The following NEO1 variants were observed in gnomAD, a reference collection of about 807,000 sequenced individuals.
The protein encoded by NEO1 is neogenin.
NEO1 carries 63 observed loss-of-function variants against 159.7 expected under a neutral mutation model. The ratio of observed to expected loss-of-function variants is 0.39; its 90% CI spans 0.32 to 0.49. The LOEUF is 0.49. NEO1 is among the 20% of genes least tolerant of loss of function. The pLI, the probability that NEO1 is intolerant of heterozygous loss-of-function variation, is 0.85. For missense variants in NEO1, 1,615 were observed against 1,831.0 expected, an observed-to-expected ratio of 0.88 and a Z score of 2.15; for synonymous variants, 633 against 662.0, an observed-to-expected ratio of 0.96 and a Z score of 0.67.
chr15:73,064,089 G>A (rs550725879), intron 1 of NEO1, among the ~76,000 whole-genome samples: 5 of 152,298 alleles, frequency 3.3e-5, no homozygotes, highest in Non-Finnish European at 7.3e-5. Context: ...GTGGAAGAGC[G>A]AATTTATTTC....
At chr15:73,282,405 C>T (rs2041761883) in intron 22 of NEO1, among the ~76,000 whole-genome samples, 1 of 152,218 alleles carries the variant, frequency 6.6e-6, no homozygotes, top group Non-Finnish European at 1.5e-5. Context: ...TCAAATTAAG[C>T]CATACTTCAG....
intron 26 of NEO1, 117 bp downstream of exon 26, chr15:73,293,665 C>T: frequency 9.1e-7 from 1 of 1,098,134 alleles, no homozygotes; most frequent in South Asian, 1.7e-5. Flanking sequence ...TTTTATTTAA[C>T]TTAGCATAAC....
chr15:73,093,735 G>T (rs555287286), intron 1 of NEO1, among the ~76,000 whole-genome samples: 52 of 151,816 alleles, frequency 3.4e-4, no homozygotes, highest in Non-Finnish European at 6.3e-4. Flanking sequence ...TACCAACCAC[G>T]CCTGGCTAAT....
chr15:73,289,463 A>G (rs897244605), intron 25 of NEO1, among the ~76,000 whole-genome samples: 8 of 152,172 alleles, frequency 5.3e-5, no homozygotes, highest in African/African-American at 1.7e-4. Context: ...TGAAAAGCCA[A>G]TGTCTCCAGA....
rs13380051 is a variant in NEO1, at chr15:73,091,274, G to C, written c.131-25266G>C. ...TGCAGGAACCTATTTGAGGTACTATGGACATTGGTACACATATGCAGTTAT... is the reference window on the plus strand; with the variant it reads ...TGCAGGAACCTATTTGAGGTACTATCGACATTGGTACACATATGCAGTTAT... On this transcript the variant is annotated intron_variant, in intron 1 of 28. Coordinates refer to ENST00000261908, the MANE Select transcript of NEO1 (RefSeq NM_002499.4). 1.8e-3 allele frequency among the ~76,000 whole-genome samples: 271 copies of C among 152,260 alleles called. 1 individual carries two copies. Among genetic ancestry groups the C allele is most frequent in the African/African-American group, 6.4e-3 (264 of 41,544 alleles).
upstream of NEO1, chr15:73,052,343 C>T (rs1007832747): frequency 2.1e-5 from 3 of 145,644 alleles, no homozygotes; most frequent in African/African-American, 5.0e-5. Context: ...CTCCGCCCCC[C>T]TCGCGCTGGT....
intron 1 of NEO1, among the ~76,000 whole-genome samples, chr15:73,115,058 T>A (rs1014271758): frequency 6.6e-6 from 1 of 152,310 alleles, no homozygotes; most frequent in African/African-American, 2.4e-5. Context: ...AACACTTTTT[T>A]TTTTTGAGAC....
chr15:73,107,183 C>T (rs1291941671), intron 1 of NEO1, among the ~76,000 whole-genome samples: 2 of 152,134 alleles, frequency 1.3e-5, no homozygotes, highest in African/African-American at 2.4e-5. Flanking sequence ...TTTTTAAACC[C>T]ACAAAAGATT....
At chr15:73,070,188 G>T (rs1463862343) in intron 1 of NEO1, among the ~76,000 whole-genome samples, 1 of 152,132 alleles carries the variant, frequency 6.6e-6, no homozygotes, top group African/African-American at 2.4e-5. Flanking sequence ...CATGATGTAG[G>T]TTAATTTCCC....
intron 1 of NEO1, among the ~76,000 whole-genome samples, chr15:73,063,359 C>T (rs2068063155): frequency 1.3e-5 from 2 of 152,076 alleles, no homozygotes; most frequent in Non-Finnish European, 1.5e-5. Flanking sequence ...AGAACAAAGC[C>T]TGGCTTATTC....
intron 7 of NEO1, among the ~76,000 whole-genome samples, chr15:73,192,252 CATACAT>C (rs201548992): frequency 0.014 from 2,069 of 152,120 alleles, 17 homozygotes; most frequent in South Asian, 0.017. Flanking sequence ...TACACTTACA[CATACAT>C]ATACACATAT....
Position 73,244,280 on chromosome 15 carries a change from G to C in NEO1, c.1452-64G>C, listed in dbSNP as rs148939277. The C allele has an allele frequency of 3.4e-4, 516 of 1,516,644 alleles. 2 individuals carry two copies. In the East Asian group the frequency reaches 7.2e-3, roughly 21 times the overall value. The allele number at this position is 1,516,644 out of a possible 1,614,324, so 93.9% of individuals were successfully genotyped here. A position where few individuals can be genotyped will look rare whatever the true frequency, so the allele number is the denominator to read the frequency against. ...TAGATTTTTATGTGGAGTGGAAAAT[G>C]AAACTGTACATTCTGGAAGTATTCC... is the stretch of plus-strand genomic sequence containing the variant. On this transcript the variant is annotated intron_variant, in intron 8 of 28. Coordinates refer to ENST00000261908, the MANE Select transcript of NEO1 (RefSeq NM_002499.4).
intron 5 of NEO1, among the ~76,000 whole-genome samples, chr15:73,164,497 A>C (rs899719380): frequency 2.0e-5 from 3 of 151,732 alleles, no homozygotes; most frequent in African/African-American, 7.3e-5. Flanking sequence ...TTACAGGCAT[A>C]AGCCACCACG....
At chr15:73,297,484 A>C (rs1340611564) in intron 26 of NEO1, among the ~76,000 whole-genome samples, 3 of 152,208 alleles carry the variant, frequency 2.0e-5, no homozygotes, top group Non-Finnish European at 4.4e-5. Context: ...TCAAAGAATT[A>C]TGTGTTATTC....
chr15:73,088,505 C>G (rs1015001143), intron 1 of NEO1, among the ~76,000 whole-genome samples: 1 of 151,966 alleles, frequency 6.6e-6, no homozygotes, highest in African/African-American at 2.4e-5. Flanking sequence ...TTACCTGATA[C>G]TTGTGATGGA....
intron 15 of NEO1, among the ~76,000 whole-genome samples, chr15:73,263,530 A>T (rs1303876657): frequency 6.6e-6 from 1 of 151,984 alleles, no homozygotes; most frequent in Non-Finnish European, 1.5e-5. Flanking sequence ...AATTTGAGAA[A>T]TATTTATATT....
chr15:73,270,454 G>C lies in NEO1; in HGVS notation c.2857G>C (p.Val953Leu), dbSNP rs1248808539. 5 of 1,608,284 alleles carry C rather than the reference G, an allele frequency of 3.1e-6. No homozygotes were observed. The highest frequency in any genetic ancestry group is 4.2e-6 in the Non-Finnish European group (5 of 1,178,226). The change falls in exon 18 of 29, where the codon GTT (valine) becomes CTT (leucine). Residue 953 changes from valine (V) to leucine (L), a missense_variant and splice_region_variant. Val to Leu is a conservative substitution (Grantham distance 32). Transcript: ENST00000261908. ...MTAHGTTFEL[V>L]PTSPPKDVTV... is the part of the protein sequence containing the mutation. ...AGCCCATGGGACCACCTTTGAATTAGGTATGTGTTGTCAGAAGCCATGTCA... is the reference window on the plus strand; with the variant it reads ...AGCCCATGGGACCACCTTTGAATTACGTATGTGTTGTCAGAAGCCATGTCA...
rs1567749554 is a variant in NEO1 at position 73,304,422 on chromosome 15, GC to G, written c.*1727del. Reference sequence around the variant, plus strand: ...TTCTATAGCCAAGAAGAGATCAGCTGCTGAAACCACCAGTGGGTACCCCAGG... The same window carrying G: ...TTCTATAGCCAAGAAGAGATCAGCTGTGAAACCACCAGTGGGTACCCCAGG... On this transcript the variant is annotated 3_prime_UTR_variant, in exon 29 of 29. Transcript: ENST00000261908. The G allele has an allele frequency of 6.6e-6, 1 of 152,246 alleles. No individual in the cohort carries two copies. The highest frequency in any genetic ancestry group is 1.9e-4 in the East Asian group (1 of 5,198). 9.4% of individuals were successfully genotyped at this position (152,246 alleles called of 1,614,324 possible).
intron 8 of NEO1, among the ~76,000 whole-genome samples, chr15:73,238,270 G>GTTTT: frequency 1.4e-5 from 1 of 72,606 alleles, no homozygotes; most frequent in African/African-American, 5.0e-5. Flanking sequence ...TTTTAGTTTG[G>GTTTT]GTTTTTTTTT....
Sources: gnomAD v4.1 joint callset for allele counts (sites outside exome capture counted in the v4.1 genomes callset) on GRCh38, gnomAD v4.1.1 for gene constraint, MANE v1.5 for transcripts, NCBI Gene and HGNC (gene_info 2026-07-23, HGNC 2026-07-21) for gene names.